Variants in HSPG2 observed in about 807,000 individuals in gnomAD.
The protein encoded by HSPG2 is heparan sulfate proteoglycan 2.
HSPG2 carries 278 observed loss-of-function variants against 526.6 expected under a neutral mutation model. The ratio of observed to expected loss-of-function variants is 0.53; its 90% confidence interval spans 0.48 to 0.58. HSPG2 has a LOEUF of 0.58. Ranked by LOEUF, HSPG2 falls within the 20% of genes least tolerant of loss-of-function variation. The pLI, the probability that HSPG2 is intolerant of heterozygous loss-of-function variation, is 0.00. For synonymous variants in HSPG2, 2,465 were observed against 2,555.4 expected (o/e 0.96, Z 1.07); for missense variants, 5,354 against 6,099.5 (o/e 0.88, Z 4.07).
chr1:21,873,191 A>T, intron 30 of HSPG2, 100 bp from the exon 31 acceptor site: 1 of 1,185,288 alleles, frequency 8.4e-7, no homozygotes, highest in Non-Finnish European at 1.2e-6. Flanking sequence ...CTGATTTCTG[A>T]TGTGAGTACT....
Position 21,847,518 on chromosome 1 carries a change from G to A in HSPG2, c.8026-26C>T, listed in dbSNP as rs769366856. The A allele has an allele frequency of 3.2e-5, 51 of 1,613,316 alleles. No homozygotes were observed. The highest frequency in any genetic ancestry group is 4.3e-5 in the Non-Finnish European group (51 of 1,179,850). On this transcript the variant is annotated intron_variant, in intron 61 of 96. Coordinates refer to ENST00000374695, the MANE Select transcript of HSPG2 (RefSeq NM_005529.7). This position sits in a 1 kb window ranked among gnomAD's most constrained non-coding sequence, Gnocchi z 4.1. ...CTGGACGTGCGGATGGGGAAGGAGA[G>A]GGAGAGGGAGTGGAGGGACGCTGGG...
intron 1 of HSPG2, among the ~76,000 whole-genome samples, chr1:21,919,340 C>T (rs938504094): frequency 1.5e-4 from 23 of 151,180 alleles, no homozygotes; most frequent in Admixed American, 5.3e-4. Context: ...GCAGGAGAAT[C>T]GCTTGAACTC....
Position 21,875,857 on chromosome 1 carries a change from G to A in HSPG2, c.3183+6C>T. ...ACCCCTACCCCCAGGGGACAGTATT[G>A]CTCACCTCCCGGAAAGGCACAATGA... On this transcript the variant is annotated splice_donor_region_variant and intron_variant, in intron 24 of 96. Transcript: ENST00000374695. 1 of 1,613,806 alleles carries A rather than the reference G, an allele frequency of 6.2e-7. No individual in the cohort carries two copies. The highest frequency in any genetic ancestry group is 8.5e-7 in the Non-Finnish European group (1 of 1,179,964).
intron 1 of HSPG2, among the ~76,000 whole-genome samples, chr1:21,927,045 T>C (rs1487882588): frequency 6.6e-6 from 1 of 150,822 alleles, no homozygotes; most frequent in African/African-American, 2.4e-5. Flanking sequence ...AGTGGGGAGG[T>C]GGTGGCAGGG....
chr1:21,834,337 T>C (rs2098017563), intron 77 of HSPG2, among the ~76,000 whole-genome samples: 1 of 152,178 alleles, frequency 6.6e-6, no homozygotes, highest in Non-Finnish European at 1.5e-5. Context: ...TACTCTCTAT[T>C]AGGTCTGTTT....
rs747787010 is a variant in HSPG2 at position 21,873,039 on chromosome 1, G to A, written c.3846C>T (p.Ser1282=). ...PIGCNCDPQG[S]VSSQCDAAGQ... is the part of the protein sequence containing the mutation. ...CAGCAGCATCACACTGGCTGCTGACGCTGCCTTGGGGGTCACAGTTGCAGC... is the reference window on the plus strand; with the variant it reads ...CAGCAGCATCACACTGGCTGCTGACACTGCCTTGGGGGTCACAGTTGCAGC... The change falls in exon 31 of 97, where the codon AGC becomes AGT. Residue 1282 remains serine (S), a synonymous_variant. Coordinates refer to ENST00000374695, the MANE Select transcript of HSPG2 (RefSeq NM_005529.7). The A allele has an allele frequency of 8.1e-6, 13 of 1,606,016 alleles. No homozygotes were observed. The highest frequency in any genetic ancestry group is 1.3e-5 in the African/African-American group (1 of 74,918).
Position 21,873,948 on chromosome 1 carries a change from GC to G in HSPG2, c.3719del (p.Gly1240AlafsTer34). The G allele has an allele frequency of 6.2e-7, 1 of 1,601,986 alleles. No individual in the cohort carries two copies. Among genetic ancestry groups the G allele is most frequent in the East Asian group, 2.2e-5 (1 of 44,556 alleles). ...ACCTCTCACAGTGACGCCCACTGTG[GC>G]CTGGGGAGCACGCATCACAGGTGGG... ...GHPTCDACSPGHSGRHCERCA... is the reference protein window; with the variant it reads ...GHPTCDACSPXHSGRHCERCA... On this transcript the variant is annotated frameshift_variant, in exon 29 of 97. Coordinates refer to ENST00000374695, the MANE Select transcript of HSPG2 (RefSeq NM_005529.7). LOFTEE classifies it high-confidence loss of function.
chr1:21,887,105 G>C lies in HSPG2; in HGVS notation c.1078+110C>G, dbSNP rs940322188. 5.6e-5 allele frequency: 62 copies of C among 1,103,740 alleles called. 2 individuals are homozygous for C. The highest frequency in any genetic ancestry group is 5.2e-4 in the Admixed American group (24 of 45,726). The allele number at this position is 1,103,740 out of a possible 1,614,324, so 68.4% of individuals were successfully genotyped here. A position where few individuals can be genotyped will look rare whatever the true frequency, so the allele number is the denominator to read the frequency against. On this transcript the variant is annotated intron_variant, in intron 9 of 96. Coordinates refer to ENST00000374695, the MANE Select transcript of HSPG2 (RefSeq NM_005529.7). This position sits in a 1 kb window ranked among gnomAD's most constrained non-coding sequence, Gnocchi z 5.0. ...ACAAACAGGCTTGGGGGACTGGGGA[G>C]GGGGGAAAGCGGAGGGGCAGGGTAG...
At chr1:21,933,219 C>CA (rs60550984) in intron 1 of HSPG2, among the ~76,000 whole-genome samples, 2,584 of 94,096 alleles carry the variant, frequency 0.027, 34 homozygotes, top group African/African-American at 0.071. Context: ...GACCCTGTCT[C>CA]AAAAAAAAAA....
chr1:21,841,394 T>C (rs2098047969), intron 70 of HSPG2, 109 bp from the exon 71 acceptor site: 1 of 1,549,760 alleles, frequency 6.5e-7, no homozygotes, highest in Non-Finnish European at 8.9e-7. Flanking sequence ...GTCTCCCCAC[T>C]GCACTGAGGT....
At chr1:21,845,583 T>C (rs1022649983) in intron 64 of HSPG2, among the ~76,000 whole-genome samples, 6 of 152,150 alleles carry the variant, frequency 3.9e-5, no homozygotes, top group African/African-American at 1.4e-4. Context: ...TTTCACCATG[T>C]TACCCAGACT....
rs1435011141 is a variant in HSPG2 at position 21,848,915 on chromosome 1, C to A, written c.7563G>T (p.Gln2521His). The A allele has an allele frequency of 6.2e-7, 1 of 1,613,948 alleles. No homozygotes were observed. The highest frequency in any genetic ancestry group is 2.2e-5 in the East Asian group (1 of 44,862). ...TQEASVLVTI[Q>H]QRLSGSHSQG... Reference sequence around the variant, plus strand: ...CACAGTGGGAGCCACTAAGGCGCTGCTGGATGGTGACAAGGACTGAGGCTT... The same window carrying A: ...CACAGTGGGAGCCACTAAGGCGCTGATGGATGGTGACAAGGACTGAGGCTT... Residue 2521 changes from glutamine to histidine, a missense_variant, in exon 58 of 97, where the codon CAG becomes CAT. Physicochemically the swap from Gln to His is conservative, Grantham distance 24. Coordinates refer to ENST00000374695, the MANE Select transcript of HSPG2 (RefSeq NM_005529.7). The surrounding 1 kb of genome is among the most constrained non-coding windows in gnomAD (Gnocchi z 4.9).
chr1:21,868,918 G>A, intron 33 of HSPG2: 1 of 983,756 alleles, frequency 1.0e-6, no homozygotes, highest in Non-Finnish European at 1.2e-6. Flanking sequence ...GCAGCTGCCA[G>A]TAATAGAGGC....
chr1:21,822,267 A>G lies in HSPG2; in HGVS notation c.*1049T>C. On this transcript the variant is annotated 3_prime_UTR_variant, in exon 97 of 97. Transcript: ENST00000374695. Reference sequence around the variant, plus strand: ...CCTGGCGGGGATAGCACCGTTTATTAAGAAAAATCAAGACAAAGACCACAG... The same window carrying G: ...CCTGGCGGGGATAGCACCGTTTATTGAGAAAAATCAAGACAAAGACCACAG... 1.9e-6 allele frequency: 3 copies of G among 1,572,166 alleles called. No homozygotes were observed. The highest frequency in any genetic ancestry group is 3.3e-4 in the Middle Eastern group (2 of 6,004).
chr1:21,839,166 G>A lies in HSPG2; in HGVS notation c.9890-81C>T, dbSNP rs556603729. 1.3e-6 allele frequency: 2 copies of A among 1,522,216 alleles called. No individual in the cohort carries two copies. Among genetic ancestry groups the A allele is most frequent in the South Asian group, 2.5e-5 (2 of 79,048 alleles). The allele number at this position is 1,522,216 out of a possible 1,614,324, so 94.3% of individuals were successfully genotyped here. ...CAGGTCGTTGGATCCAGTGTCCAGG[G>A]AAGCTGAATGGTGAGCCCAGAGGAC... On this transcript the variant is annotated intron_variant, in intron 73 of 96. Coordinates refer to ENST00000374695, the MANE Select transcript of HSPG2 (RefSeq NM_005529.7). This position sits in a 1 kb window ranked among gnomAD's most constrained non-coding sequence, Gnocchi z 4.5.
chr1:21,854,721 G>T lies in HSPG2; in HGVS notation c.6178C>A (p.Pro2060Thr). 1 of 1,613,586 alleles carries T rather than the reference G, an allele frequency of 6.2e-7. No individual in the cohort carries two copies. The highest frequency in any genetic ancestry group is 8.5e-7 in the Non-Finnish European group (1 of 1,179,810). The change falls in exon 49 of 97, where the codon CCT becomes ACT. Residue 2060 changes from proline to threonine, a missense_variant. Coordinates refer to ENST00000374695, the MANE Select transcript of HSPG2 (RefSeq NM_005529.7). ...PPPVKIESSSPSVTEGQTLDL... is the reference protein window; with the variant it reads ...PPPVKIESSSTSVTEGQTLDL... ...AGTGTTTGCCCTTCTGTCACAGAAG[G>T]CGATGAGGACTCAATCTTGACCGGC...
Position 21,846,499 on chromosome 1 carries a change from A to C in HSPG2, c.8265T>G (p.His2755Gln). The C allele has an allele frequency of 6.2e-7, 1 of 1,613,744 alleles. No individual in the cohort carries two copies. Among genetic ancestry groups the C allele is most frequent in the Non-Finnish European group, 8.5e-7 (1 of 1,180,034 alleles). ...DLNCVVPGQAHAQVTWHKRGG... is the reference protein window; with the variant it reads ...DLNCVVPGQAQAQVTWHKRGG... Reference sequence around the variant, plus strand: ...CACGCTTGTGCCAAGTGACCTGGGCATGGGCCTGCCCGGGGACCACGCAGT... The same window carrying C: ...CACGCTTGTGCCAAGTGACCTGGGCCTGGGCCTGCCCGGGGACCACGCAGT... Residue 2755 changes from histidine (H) to glutamine (Q), a missense_variant, in exon 63 of 97, where the codon CAT becomes CAG. Physicochemically the swap from His to Gln is conservative, Grantham distance 24. Transcript: ENST00000374695.
chr1:21,862,223 T>A, intron 37 of HSPG2, 108 bp from the exon 38 acceptor site: 1 of 1,266,886 alleles, frequency 7.9e-7, no homozygotes, highest in Non-Finnish European at 1.1e-6. Context: ...GAACTCATCT[T>A]AAAGAAAGAA....
At position 21,828,135 on chromosome 1, in the gene HSPG2, C is replaced by T. The variant is rs747563153; in HGVS notation, c.12427G>A (p.Glu4143Lys). 5.1e-6 allele frequency: 7 copies of T among 1,383,676 alleles called. No homozygotes were observed. The highest frequency in any genetic ancestry group is 8.5e-5 in the East Asian group (2 of 23,454). The allele number at this position is 1,383,676 out of a possible 1,614,324, so 85.7% of individuals were successfully genotyped here. ...TCACGGAGCTGGCAGGGGTTCTCCT[C>T]GTGCTCACACAGGTCTCCTGTGGGC... The part of the protein sequence containing the change: ...DGFKGDLCEH[E>K]ENPCQLREPC... The change falls in exon 90 of 97, where the codon GAG (glutamate) becomes AAG (lysine). Residue 4143 changes from glutamate to lysine, a missense_variant. By Grantham distance (56) the Glu-to-Lys change is moderately conservative. Transcript: ENST00000374695. This position sits in a 1 kb window ranked among gnomAD's most constrained non-coding sequence, Gnocchi z 6.0.
Sources: allele counts gnomAD v4.1 joint callset (sites outside exome capture counted in the v4.1 genomes callset), GRCh38; gene constraint gnomAD v4.1.1; non-coding constraint Gnocchi (gnomAD v3.1); transcripts MANE v1.5; gene names NCBI Gene and HGNC (gene_info 2026-07-23, HGNC 2026-07-21).